TMEM132D: variants seen among roughly 807,000 people sequenced by gnomAD.
TMEM132D encodes the protein mature OL transmembrane protein.
In TMEM132D, 21 loss-of-function variants were observed where a neutral mutation model predicts 62.3. That is an observed-to-expected ratio of 0.34 (90% CI 0.24 to 0.49). The LOEUF is 0.49. TMEM132D is among the 20% of genes least tolerant of loss of function. The pLI, the probability that TMEM132D is intolerant of heterozygous loss-of-function variation, is 0.99. For missense variants in TMEM132D, 1,346 were observed against 1,402.8 expected (o/e 0.96, Z 0.65); for synonymous variants, 621 against 575.6 (o/e 1.08, Z -1.13).
intron 2 of TMEM132D, among the ~76,000 whole-genome samples, chr12:129,632,274 AAGG>A (rs1320233852): frequency 3.3e-5 from 5 of 152,212 alleles, no homozygotes; most frequent in African/African-American, 1.2e-4. Flanking sequence ...CTGAGGACGG[AAGG>A]AGAACACAAA....
chr12:129,148,840 C>G (rs2135534387), intron 5 of TMEM132D, among the ~76,000 whole-genome samples: 1 of 151,888 alleles, frequency 6.6e-6, no homozygotes, highest in South Asian at 2.1e-4. Context: ...CCACCCTCCC[C>G]AAGAGGACAT....
Position 129,560,480 on chromosome 12 carries a change from T to C in TMEM132D, c.969-29275A>G, listed in dbSNP as rs150068882. Among the ~76,000 whole-genome samples, 728 of 152,118 alleles carry C rather than the reference T, an allele frequency of 4.8e-3. 13 individuals carry two copies. The South Asian group carries it at 0.055, about 12-fold the overall frequency. ...AGACAGGGTTTCACCATGTTGGCCA[T>C]GCTGGTCTTGAACTCCTGACCTCAA... On this transcript the variant is annotated intron_variant, in intron 2 of 8. Coordinates refer to ENST00000422113, the MANE Select transcript of TMEM132D (RefSeq NM_133448.3).
intron 2 of TMEM132D, among the ~76,000 whole-genome samples, chr12:129,583,051 G>A (rs1407771386): frequency 6.6e-6 from 1 of 151,852 alleles, no homozygotes; most frequent in East Asian, 1.9e-4. Context: ...TTTGTGATCT[G>A]CCCACCTCAG....
intron 2 of TMEM132D, among the ~76,000 whole-genome samples, chr12:129,640,947 G>T (rs1419656993): frequency 6.6e-6 from 1 of 152,122 alleles, no homozygotes; most frequent in East Asian, 1.9e-4. Context: ...TCTAACGCCT[G>T]ATGATCTGTC....
At chr12:129,517,509 G>A (rs1342212223) in intron 3 of TMEM132D, among the ~76,000 whole-genome samples, 1 of 152,164 alleles carries the variant, frequency 6.6e-6, no homozygotes, top group Non-Finnish European at 1.5e-5. Flanking sequence ...GCCATTCAGT[G>A]GGGAAGACAT....
chr12:129,116,782 A>G (rs1875903637), intron 5 of TMEM132D, among the ~76,000 whole-genome samples: 1 of 152,140 alleles, frequency 6.6e-6, no homozygotes, highest in African/African-American at 2.4e-5. Flanking sequence ...ACTCGTATTC[A>G]CTGCTGGTAG....
rs1874345990 is a variant in TMEM132D, at chr12:129,478,803, T to A, written c.1115+52256A>T. 2.0e-5 allele frequency among the ~76,000 whole-genome samples: 3 copies of A among 152,146 alleles called. No homozygotes were observed. The South Asian group carries it at 6.2e-4, about 32-fold the overall frequency. Reference sequence around the variant, plus strand: ...AGGATGCTGACACCTAATTTTAGAATCCGAGCTTTAGTCCCTTGAAAGGGA... The same window carrying A: ...AGGATGCTGACACCTAATTTTAGAAACCGAGCTTTAGTCCCTTGAAAGGGA... On this transcript the variant is annotated intron_variant, in intron 3 of 8. Coordinates refer to ENST00000422113, the MANE Select transcript of TMEM132D (RefSeq NM_133448.3).
chr12:129,139,187 A>T (rs954826034), intron 5 of TMEM132D, among the ~76,000 whole-genome samples: 1 of 152,190 alleles, frequency 6.6e-6, no homozygotes, highest in Non-Finnish European at 1.5e-5. Flanking sequence ...GTTGCCCCAG[A>T]GCAAGTGATG....
At chr12:129,592,689 G>A (rs1377633221) in intron 2 of TMEM132D, among the ~76,000 whole-genome samples, 2 of 152,192 alleles carry the variant, frequency 1.3e-5, no homozygotes, top group Non-Finnish European at 2.9e-5. Flanking sequence ...ATATGGAAAT[G>A]CTGTGTAAGA....
At chr12:129,572,686 T>G (rs1319862566) in intron 2 of TMEM132D, among the ~76,000 whole-genome samples, 4 of 152,096 alleles carry the variant, frequency 2.6e-5, no homozygotes, top group African/African-American at 4.8e-5. Context: ...TGACCTCAGA[T>G]GATCTGCCCG....
At chr12:129,150,168 C>G (rs1877031061) in intron 5 of TMEM132D, among the ~76,000 whole-genome samples, 1 of 152,156 alleles carries the variant, frequency 6.6e-6, no homozygotes, top group South Asian at 2.1e-4. Context: ...TCTGGGAAGG[C>G]CTAAGAACAA....
chr12:129,249,222 C>A (rs1322466458), intron 4 of TMEM132D, among the ~76,000 whole-genome samples: 1 of 152,192 alleles, frequency 6.6e-6, no homozygotes, highest in Admixed American at 6.5e-5. Context: ...TGAATGGGCA[C>A]TGAATTGTAA....
chr12:129,711,353 T>C (rs1593130372), intron 1 of TMEM132D, among the ~76,000 whole-genome samples: 2 of 152,266 alleles, frequency 1.3e-5, no homozygotes, highest in Middle Eastern at 6.8e-3. Context: ...TCTGAACTCC[T>C]CTCCGCTCCC....
intron 2 of TMEM132D, among the ~76,000 whole-genome samples, chr12:129,623,664 C>CAT (rs1287608358): frequency 4.2e-5 from 6 of 142,668 alleles, no homozygotes; most frequent in Admixed American, 2.1e-4. Context: ...TATATATATA[C>CAT]ATATATATAC....
In TMEM132D at chr12:129,661,133, C is replaced by T. The variant is rs143829605; in HGVS notation, c.968+38677G>A. Among the ~76,000 whole-genome samples the T allele has an allele frequency of 1.9e-3, 290 of 152,292 alleles. 1 individual carries two copies. The highest frequency in any genetic ancestry group is 6.8e-3 in the African/African-American group (283 of 41,578). ...CTGCAGCTGTGCTGGGCTAACGGGA[C>T]CTCCCAACAGTGGCCATTTGCATAC... On this transcript the variant is annotated intron_variant, in intron 2 of 8. Transcript: ENST00000422113.
intron 3 of TMEM132D, among the ~76,000 whole-genome samples, chr12:129,388,616 G>A (rs561931942): frequency 8.6e-6 from 1 of 116,958 alleles, no homozygotes; most frequent in Non-Finnish European, 1.9e-5. Flanking sequence ...CACCAATCCA[G>A]CACTGATGAT....
chr12:129,864,272 C>T (rs11060592), intron 1 of TMEM132D, among the ~76,000 whole-genome samples: 109,278 of 152,104 alleles, frequency 0.72, 41,341 homozygotes, highest in South Asian at 0.92. Context: ...TGATTCCAGA[C>T]GTCAGCCTTG....
At chr12:129,147,413 C>A (rs1471280066) in intron 5 of TMEM132D, among the ~76,000 whole-genome samples, 2 of 151,592 alleles carry the variant, frequency 1.3e-5, no homozygotes, top group Admixed American at 1.3e-4. Flanking sequence ...GCATAAAAAT[C>A]CTCTTATGTA....
chr12:129,171,634 G>A (rs1427072584), intron 5 of TMEM132D, among the ~76,000 whole-genome samples: 1 of 152,210 alleles, frequency 6.6e-6, no homozygotes, highest in Non-Finnish European at 1.5e-5. Context: ...CAGAGTGGAT[G>A]TTGTGTTGGC....
Sources: gnomAD v4.1 joint callset for allele counts (sites outside exome capture counted in the v4.1 genomes callset) on GRCh38, gnomAD v4.1.1 for gene constraint, MANE v1.5 for transcripts, NCBI Gene and HGNC (gene_info 2026-07-23, HGNC 2026-07-21) for gene names.